The following ABTB2 variants were observed in gnomAD, a reference collection of about 807,000 sequenced individuals.
ABTB2 encodes ankyrin repeat and BTB/POZ domain-containing protein 2.
Under a neutral mutation model 104.1 loss-of-function variants are expected in ABTB2, and 56 were observed. The ratio of observed to expected loss-of-function variants is 0.54; its 90% CI spans 0.43 to 0.67. The LOEUF (loss-of-function observed/expected upper bound fraction) is 0.67, where lower values mean the gene tolerates loss of function less well. ABTB2 is among the 30% of genes least tolerant of loss of function. The probability of loss-of-function intolerance (pLI) is 0.00; values close to 1 mark genes in which losing one functional copy is unlikely to be tolerated. For missense variants in ABTB2, 1,279 were observed against 1,407.7 expected (o/e 0.91, Z 1.46); for synonymous variants, 606 against 608.2 (o/e 1.00, Z 0.05).
At chr11:34,206,307 C>T (rs1313334693) in intron 1 of ABTB2, among the ~76,000 whole-genome samples, 4 of 152,044 alleles carry the variant, frequency 2.6e-5, no homozygotes, top group Admixed American at 6.6e-5. Context: ...CGCTTGAACC[C>T]GGGAGGCAGA....
At chr11:34,253,067 C>T (rs1236905234) in intron 1 of ABTB2, among the ~76,000 whole-genome samples, 1 of 152,228 alleles carries the variant, frequency 6.6e-6, no homozygotes, top group African/African-American at 2.4e-5. Context: ...CTCAATGCTC[C>T]TCCCAGAGGA....
intron 1 of ABTB2, among the ~76,000 whole-genome samples, chr11:34,339,405 A>G (rs554619205): frequency 6.6e-6 from 1 of 152,174 alleles, no homozygotes; most frequent in Non-Finnish European, 1.5e-5. Context: ...GGGACAATGA[A>G]GGCGACCACA....
intron 1 of ABTB2, among the ~76,000 whole-genome samples, chr11:34,343,514 G>C (rs979643956): frequency 2.6e-5 from 4 of 151,824 alleles, no homozygotes; most frequent in Admixed American, 6.6e-5. Context: ...TCGCTCTGTT[G>C]CTCAGGCTGG....
At chr11:34,179,080 CAA>C (rs111676312) in intron 3 of ABTB2, among the ~76,000 whole-genome samples, 109 of 98,672 alleles carry the variant, frequency 1.1e-3, no homozygotes, top group African/African-American at 3.6e-3. Flanking sequence ...AACTCCAACT[CAA>C]AAAAAAAAAA....
chr11:34,159,827 T>A, intron 13 of ABTB2, 79 bp downstream of exon 13: 1 of 1,162,690 alleles, frequency 8.6e-7, no homozygotes, highest in South Asian at 1.3e-5. Context: ...CCCCAGCGAG[T>A]CACTCTCTGT....
intron 1 of ABTB2, among the ~76,000 whole-genome samples, chr11:34,322,647 C>T (rs768250465): frequency 4.6e-5 from 7 of 151,952 alleles, no homozygotes; most frequent in Non-Finnish European, 1.0e-4. Context: ...ATGACAATGG[C>T]ATTGTGAGAA....
chr11:34,227,281 A>G (rs1159940967), intron 1 of ABTB2, among the ~76,000 whole-genome samples: 1 of 146,550 alleles, frequency 6.8e-6, no homozygotes, highest in Non-Finnish European at 1.5e-5. Flanking sequence ...CTCAAAAAAA[A>G]AAAAGAAAAA....
intron 14 of ABTB2, among the ~76,000 whole-genome samples, chr11:34,155,020 ATCC>A (rs1852602857): frequency 6.6e-6 from 1 of 152,126 alleles, no homozygotes; most frequent in Non-Finnish European, 1.5e-5. Flanking sequence ...TTTCCCTACA[ATCC>A]TCATGAGAAC....
At chr11:34,256,057 C>T (rs1854118507) in intron 1 of ABTB2, among the ~76,000 whole-genome samples, 1 of 152,080 alleles carries the variant, frequency 6.6e-6, no homozygotes, top group Non-Finnish European at 1.5e-5. Context: ...CCTCACAAAA[C>T]ACCCTGGCAC....
chr11:34,287,586 C>A (rs1345340516), intron 1 of ABTB2, among the ~76,000 whole-genome samples: 1 of 152,154 alleles, frequency 6.6e-6, no homozygotes, highest in Non-Finnish European at 1.5e-5. Flanking sequence ...GGCAATTCTG[C>A]AACTATGAAT....
intron 1 of ABTB2, among the ~76,000 whole-genome samples, chr11:34,251,568 C>T (rs968757610): frequency 1.3e-5 from 2 of 152,204 alleles, no homozygotes; most frequent in Non-Finnish European, 2.9e-5. Context: ...GGAAGCCGCG[C>T]ACTCTCTGAG....
intron 1 of ABTB2, among the ~76,000 whole-genome samples, chr11:34,317,405 T>C (rs945230550): frequency 6.6e-6 from 1 of 152,196 alleles, no homozygotes; most frequent in Non-Finnish European, 1.5e-5. Flanking sequence ...GATTGCGCTC[T>C]GCCCACAGAC....
intron 1 of ABTB2, among the ~76,000 whole-genome samples, chr11:34,293,755 T>A (rs1183190312): frequency 6.6e-6 from 1 of 151,964 alleles, no homozygotes; most frequent in African/African-American, 2.4e-5. Context: ...GATGGAGTCT[T>A]CCTCTGTCGC....
chr11:34,320,823 T>C (rs1854992515), intron 1 of ABTB2, among the ~76,000 whole-genome samples: 1 of 152,204 alleles, frequency 6.6e-6, no homozygotes, highest in South Asian at 2.1e-4. Context: ...CCCAATACCA[T>C]TTGTATCTGT....
In ABTB2 at chr11:34,357,114, T is replaced by C. The variant is rs766361726; in HGVS notation, c.470A>G (p.Glu157Gly). The change falls in exon 1 of 17, where the codon GAG becomes GGG. Residue 157 changes from glutamate to glycine, a missense_variant. Glu to Gly is a moderately conservative substitution (Grantham distance 98). Transcript: ENST00000435224. ...SVLHAKCTRF[E>G]VQSAVRLVHS... is the part of the protein sequence containing the mutation. ...CACCAGGCGCACGGCGCTCTGCACC[T>C]CAAAGCGGGTGCACTTGGCGTGCAG... The C allele has an allele frequency of 2.7e-5, 41 of 1,512,686 alleles. No individual in the cohort carries two copies. The South Asian group carries it at 3.1e-4, about 11-fold the overall frequency. The allele number at this position is 1,512,686 out of a possible 1,614,324, so 93.7% of individuals were successfully genotyped here. A position where few individuals can be genotyped will look rare whatever the true frequency, so the allele number is the denominator to read the frequency against.
At chr11:34,318,561 C>T (rs984563804) in intron 1 of ABTB2, among the ~76,000 whole-genome samples, 4 of 152,108 alleles carry the variant, frequency 2.6e-5, no homozygotes, top group East Asian at 1.9e-4. Flanking sequence ...TCAGTTGGCT[C>T]GTGGCAGGGC....
In ABTB2 at chr11:34,356,707, C is replaced by A; in HGVS notation, c.877G>T (p.Ala293Ser). The A allele has an allele frequency of 6.3e-7, 1 of 1,588,252 alleles. No homozygotes were observed. The highest frequency in any genetic ancestry group is 1.3e-5 in the African/African-American group (1 of 74,584). ...PYEHLICGKN[A>S]NGVLSLPAYF... Reference sequence around the variant, plus strand: ...CCGAGGCCCGCGCGCTTACCATTGGCGTTCTTGCCGCAGATGAGATGCTCA... The same window carrying A: ...CCGAGGCCCGCGCGCTTACCATTGGAGTTCTTGCCGCAGATGAGATGCTCA... Residue 293 changes from alanine to serine, a missense_variant, in exon 1 of 17, where the codon GCC (alanine) becomes TCC (serine). Coordinates refer to ENST00000435224, the MANE Select transcript of ABTB2 (RefSeq NM_145804.3). This position sits in a 1 kb window ranked among gnomAD's most constrained non-coding sequence, Gnocchi z 4.6.
At chr11:34,192,145 T>C (rs2133032800) in intron 3 of ABTB2, among the ~76,000 whole-genome samples, 2 of 152,092 alleles carry the variant, frequency 1.3e-5, no homozygotes, top group South Asian at 4.2e-4. Context: ...TTTTAAAAGT[T>C]AGCCAGGTGT....
At chr11:34,234,403 T>TA (rs1442250836) in intron 1 of ABTB2, among the ~76,000 whole-genome samples, 15 of 152,284 alleles carry the variant, frequency 9.9e-5, no homozygotes, top group Admixed American at 5.9e-4. Flanking sequence ...AGAGACACAG[T>TA]AAATTACCTG....
Sources: allele counts gnomAD v4.1 joint callset (sites outside exome capture counted in the v4.1 genomes callset), GRCh38; gene constraint gnomAD v4.1.1; non-coding constraint Gnocchi (gnomAD v3.1); transcripts MANE v1.5; gene names NCBI Gene and HGNC (gene_info 2026-07-23, HGNC 2026-07-21).